Variants in R3HCC1L observed in about 807,000 individuals in gnomAD.
R3HCC1L encodes the protein coiled-coil domain-containing protein R3HCC1L.
R3HCC1L carries 51 observed loss-of-function variants against 59.9 expected under a neutral mutation model. The ratio of observed to expected loss-of-function variants is 0.85; its 90% CI spans 0.68 to 1.07. R3HCC1L has a LOEUF of 1.07. Ranked by LOEUF, R3HCC1L falls within the 50% of genes least tolerant of loss-of-function variation. R3HCC1L has a pLI of 0.00. For missense variants in R3HCC1L, 965 were observed against 933.0 expected (o/e 1.03, Z -0.45); for synonymous variants, 322 against 315.2 (o/e 1.02, Z -0.23).
At chr10:98,202,189 G>T (rs1852126506) in intron 4 of R3HCC1L, among the ~76,000 whole-genome samples, 1 of 152,040 alleles carries the variant, frequency 6.6e-6, no homozygotes, top group Admixed American at 6.5e-5. Context: ...CCCTCAAGTT[G>T]GAAAATCATC....
At chr10:98,211,093 C>T (rs189454978) in intron 5 of R3HCC1L, among the ~76,000 whole-genome samples, 15 of 152,168 alleles carry the variant, frequency 9.9e-5, no homozygotes, top group African/African-American at 2.9e-4. Context: ...AAATATAGAG[C>T]GGAGAATACC....
At chr10:98,226,670 A>G (rs907767974) in intron 5 of R3HCC1L, among the ~76,000 whole-genome samples, 7 of 152,244 alleles carry the variant, frequency 4.6e-5, no homozygotes, top group Admixed American at 6.5e-5. Context: ...AAAGAGTACT[A>G]TAAAGCTACA....
chr10:98,234,568 G>A, intron 7 of R3HCC1L, 52 bp downstream of exon 7: 1 of 1,538,586 alleles, frequency 6.5e-7, no homozygotes, highest in African/African-American at 1.4e-5. Context: ...ATTTTCTCAT[G>A]CTACTTTTTC....
At chr10:98,203,801 GA>G (rs1852312175) in intron 4 of R3HCC1L, among the ~76,000 whole-genome samples, 1 of 152,208 alleles carries the variant, frequency 6.6e-6, no homozygotes, top group African/African-American at 2.4e-5. Flanking sequence ...GGGAGCCGTG[GA>G]AACTGTAGAA....
At chr10:98,161,689 C>T (rs1034061719) in intron 2 of R3HCC1L, among the ~76,000 whole-genome samples, 1 of 151,938 alleles carries the variant, frequency 6.6e-6, no homozygotes, top group East Asian at 1.9e-4. Context: ...CGAATTTTGC[C>T]CCAGTGTTCT....
intron 4 of R3HCC1L, chr10:98,174,608 A>C: frequency 1.0e-6 from 1 of 985,242 alleles, no homozygotes; most frequent in Non-Finnish European, 1.2e-6. Context: ...CAACTCATTT[A>C]GGAGGGCGTT....
chr10:98,209,532 T>A lies in R3HCC1L; in HGVS notation c.1418T>A (p.Leu473Ter). The change falls in exon 5 of 10, where the codon TTA becomes TAA. Residue 473 changes from leucine to a stop codon, truncating the protein, a stop_gained. Transcript: ENST00000298999. LOFTEE classifies it high-confidence loss of function. ...IESLSDCASS[L>*]PIKKIAGSNY... ...AGCTTGTCAGATTGTGCTTCCTCCT[T>A]ACCTATAAAAAAGATTGCTGGTAGT... The A allele has an allele frequency of 6.2e-7, 1 of 1,613,866 alleles. No individual in the cohort carries two copies. The highest frequency in any genetic ancestry group is 8.5e-7 in the Non-Finnish European group (1 of 1,179,936).
intron 9 of R3HCC1L, among the ~76,000 whole-genome samples, chr10:98,237,750 A>G (rs779527387): frequency 5.3e-5 from 8 of 152,006 alleles, no homozygotes; most frequent in Admixed American, 1.3e-4. Context: ...ACCATTCTTT[A>G]TATCTGAGGA....
intron 5 of R3HCC1L, among the ~76,000 whole-genome samples, chr10:98,227,406 A>G (rs539034337): frequency 6.6e-6 from 1 of 152,288 alleles, no homozygotes; most frequent in South Asian, 2.1e-4. Context: ...GGAGATATAT[A>G]TTCCTGGCAT....
chr10:98,172,563 C>A (rs10509718), intron 4 of R3HCC1L, among the ~76,000 whole-genome samples: 1 of 152,022 alleles, frequency 6.6e-6, no homozygotes, highest in Admixed American at 6.6e-5. Context: ...CATCTGGAGG[C>A]TCCATAGAAG....
chr10:98,230,485 G>GC (rs1856243762), intron 5 of R3HCC1L, among the ~76,000 whole-genome samples: 1 of 151,754 alleles, frequency 6.6e-6, no homozygotes, highest in Admixed American at 6.6e-5. Context: ...TGTTAATCTT[G>GC]CTAGTGGTCT....
At chr10:98,215,655 CT>C (rs1302638177) in intron 5 of R3HCC1L, among the ~76,000 whole-genome samples, 15 of 152,256 alleles carry the variant, frequency 9.9e-5, no homozygotes, top group African/African-American at 3.1e-4. Flanking sequence ...CACCTTTGTA[CT>C]TGTGTAGAGC....
intron 4 of R3HCC1L, among the ~76,000 whole-genome samples, chr10:98,206,912 A>G (rs1340880352): frequency 3.9e-5 from 6 of 152,216 alleles, no homozygotes; most frequent in Non-Finnish European, 5.9e-5. Context: ...AAGATACCAA[A>G]AGAGAAAAGG....
chr10:98,143,760 G>T (rs1845394769), intron 1 of R3HCC1L, among the ~76,000 whole-genome samples: 1 of 152,144 alleles, frequency 6.6e-6, no homozygotes, highest in South Asian at 2.1e-4. Context: ...CATAAATTCA[G>T]TATATGACCG....
chr10:98,160,308 T>A (rs1003908496), intron 2 of R3HCC1L, among the ~76,000 whole-genome samples: 1 of 152,244 alleles, frequency 6.6e-6, no homozygotes, highest in Non-Finnish European at 1.5e-5. Flanking sequence ...TGAATAGAGA[T>A]GTGTTACAAG....
intron 5 of R3HCC1L, among the ~76,000 whole-genome samples, chr10:98,221,461 A>G (rs369465560): frequency 0.022 from 3,278 of 151,400 alleles, 101 homozygotes; most frequent in African/African-American, 0.074. Context: ...GCCCATGCCT[A>G]TGTCCTGAAT....
chr10:98,230,572 C>G (rs1445204015), intron 5 of R3HCC1L, among the ~76,000 whole-genome samples: 1 of 152,054 alleles, frequency 6.6e-6, no homozygotes, highest in Non-Finnish European at 1.5e-5. Context: ...GTGTCTCTGT[C>G]TCCTTCAGTT....
intron 5 of R3HCC1L, among the ~76,000 whole-genome samples, chr10:98,218,963 G>C (rs1590760649): frequency 6.6e-6 from 1 of 152,160 alleles, no homozygotes; most frequent in African/African-American, 2.4e-5. Context: ...CCAGGCTGGA[G>C]TGTAGTGGCA....
chr10:98,233,863 A>G (rs1590829261), intron 6 of R3HCC1L, among the ~76,000 whole-genome samples: 1 of 151,288 alleles, frequency 6.6e-6, no homozygotes, highest in Non-Finnish European at 1.5e-5. Context: ...TATTTTTTTA[A>G]CCTCCCTTCT....
Sources: gnomAD v4.1 joint callset for allele counts (sites outside exome capture counted in the v4.1 genomes callset) on GRCh38, gnomAD v4.1.1 for gene constraint, MANE v1.5 for transcripts, NCBI Gene and HGNC (gene_info 2026-07-23, HGNC 2026-07-21) for gene names.